Variants in LRRC9 observed in about 807,000 individuals in gnomAD.
The protein encoded by LRRC9 is leucine rich repeat containing 9.
In LRRC9, 122 loss-of-function variants were observed where a neutral mutation model predicts 63.2. The observed-to-expected ratio is 1.93, with a 90% CI of 1.67 to 2.24. The LOEUF is 2.24. Among genes scored for constraint, LRRC9 ranks in the 30% most tolerant of loss-of-function variants. LRRC9 has a pLI of 0.00. For synonymous variants in LRRC9, 366 were observed against 213.1 expected (o/e 1.72, Z -6.25); for missense variants, 1,071 against 627.7 (o/e 1.71, Z -7.55).
intron 8 of LRRC9, among the ~76,000 whole-genome samples, chr14:59,954,721 C>A (rs1883544288): frequency 3.3e-5 from 5 of 152,086 alleles, no homozygotes. Flanking sequence ...TGAGAGGGGG[C>A]ATCCTTATCT....
chr14:59,926,833 G>A lies in LRRC9; in HGVS notation c.-33-1078G>A, dbSNP rs577046557. On this transcript the variant is annotated intron_variant, in intron 1 of 31. Transcript: ENST00000445360. ...TTAGGTAGAAACCCCAAAGAAATTT[G>A]TAGCTATGACCTGTATGACAAAATG... Among the ~76,000 whole-genome samples the A allele has an allele frequency of 1.1e-4, 16 of 152,218 alleles. No individual in the cohort carries two copies. The South Asian group carries it at 3.1e-3, about 30-fold the overall frequency.
In LRRC9 at chr14:60,053,986, G is replaced by A; in HGVS notation, c.4131+781G>A. ...TCCAAGAGAGATGTTATGAAGACCT[G>A]GACCACGGTAGAGAATATAAATGAA... is the stretch of plus-strand genomic sequence containing the variant. On this transcript the variant is annotated intron_variant, in intron 30 of 31. Coordinates refer to ENST00000445360, the Ensembl canonical transcript of LRRC9. This position sits in a 1 kb window ranked among gnomAD's most constrained non-coding sequence, Gnocchi z 4.8. 2.3e-6 allele frequency: 1 copy of A among 440,454 alleles called. No individual in the cohort carries two copies. The highest frequency in any genetic ancestry group is 4.5e-6 in the Non-Finnish European group (1 of 222,880). The allele number at this position is 440,454 out of a possible 1,614,324, so 27.3% of individuals were successfully genotyped here.
At chr14:60,059,688 A>G (rs1031239225) in intron 31 of LRRC9, among the ~76,000 whole-genome samples, 1 of 152,244 alleles carries the variant, frequency 6.6e-6, no homozygotes, top group Non-Finnish European at 1.5e-5. Flanking sequence ...CTTCAAGTCT[A>G]TGAAGGCTGA....
chr14:59,998,042 A>G (rs1477218652), intron 18 of LRRC9, among the ~76,000 whole-genome samples, 195 bp downstream of exon 18: 2 of 152,108 alleles, frequency 1.3e-5, no homozygotes, highest in South Asian at 2.1e-4. Context: ...AGAAAAGACT[A>G]TAATTTCAAA....
chr14:59,943,022 T>G (rs1881954577), intron 7 of LRRC9, among the ~76,000 whole-genome samples: 1 of 152,064 alleles, frequency 6.6e-6, no homozygotes, highest in South Asian at 2.1e-4. Flanking sequence ...GTATTTTGTT[T>G]TTTTGCTGTT....
chr14:59,977,934 A>T (rs219328), intron 14 of LRRC9, 83 bp from the exon 15 acceptor site: 433,579 of 546,446 alleles, frequency 0.79, 177,084 homozygotes, highest in Non-Finnish European at 0.86. Flanking sequence ...GAGTTTGTTA[A>T]TTATTAAACT....
chr14:59,968,173 A>G (rs1885060358), intron 12 of LRRC9, among the ~76,000 whole-genome samples: 1 of 152,256 alleles, frequency 6.6e-6, no homozygotes, highest in Admixed American at 6.5e-5. Context: ...TAAGCCAGAC[A>G]AAAATGGAAA....
At chr14:60,021,308 A>C (rs1891099343) in intron 26 of LRRC9, among the ~76,000 whole-genome samples, 1 of 151,784 alleles carries the variant, frequency 6.6e-6, no homozygotes, top group Non-Finnish European at 1.5e-5. Context: ...TAAAATCTCT[A>C]TTCGAATCTG....
At chr14:59,955,126 A>C (rs1013551448) in intron 8 of LRRC9, among the ~76,000 whole-genome samples, 7 of 152,096 alleles carry the variant, frequency 4.6e-5, no homozygotes, top group African/African-American at 1.7e-4. Flanking sequence ...TGTCTCTGCC[A>C]GGTTTTGGTA....
chr14:60,029,683 T>C (rs781144434), intron 28 of LRRC9, among the ~76,000 whole-genome samples: 4 of 152,070 alleles, frequency 2.6e-5, no homozygotes, highest in Non-Finnish European at 4.4e-5. Flanking sequence ...AATGAATGGA[T>C]AGAGATCAGC....
intron 29 of LRRC9, among the ~76,000 whole-genome samples, chr14:60,036,331 C>A (rs1219380972): frequency 6.6e-6 from 1 of 152,154 alleles, no homozygotes; most frequent in Non-Finnish European, 1.5e-5. Flanking sequence ...CTCATAATGT[C>A]TGCTATAGCA....
rs2139978701 is a variant in LRRC9 at position 59,962,460 on chromosome 14, G to A, written c.1211+1415G>A. Among the ~76,000 whole-genome samples, 1 of 151,772 alleles carries A rather than the reference G, an allele frequency of 6.6e-6. No homozygotes were observed. The highest frequency in any genetic ancestry group is 2.4e-5 in the African/African-American group (1 of 41,376). On this transcript the variant is annotated intron_variant, in intron 10 of 31. Transcript: ENST00000445360. This position sits in a 1 kb window ranked among gnomAD's most constrained non-coding sequence, Gnocchi z 5.1. ...GCTGTGTCCCCGAGACTGGAGTGCA[G>A]TGGCCCGATCTCAGCTCGCTGCAAC...
At chr14:60,010,586 G>A (rs987961412) in intron 23 of LRRC9, among the ~76,000 whole-genome samples, 20 of 152,174 alleles carry the variant, frequency 1.3e-4, no homozygotes, top group Non-Finnish European at 2.5e-4. Context: ...CGTTACTTAT[G>A]CAAATTTCTG....
At chr14:60,064,844 A>G (rs1459827931), downstream of LRRC9, among the ~76,000 whole-genome samples, 1 of 152,202 alleles carries the variant, frequency 6.6e-6, no homozygotes. Context: ...TTTTATAATA[A>G]AAAGTGTCTT....
intron 8 of LRRC9, among the ~76,000 whole-genome samples, chr14:59,952,634 A>G (rs1432901841): frequency 1.3e-5 from 2 of 151,518 alleles, no homozygotes; most frequent in Admixed American, 6.6e-5. Flanking sequence ...TGTTGTTGTT[A>G]TTGTTGTTGT....
Position 60,017,270 on chromosome 14 carries a change from T to C in LRRC9, c.3317+480T>C, listed in dbSNP as rs1281769885. ...TTGTAGTCCTTTTCTTTACTGCCCA[T>C]GATACTTCATACTTCAGAAATTCTG... On this transcript the variant is annotated intron_variant, in intron 24 of 31. Coordinates refer to ENST00000445360, the Ensembl canonical transcript of LRRC9. This position sits in a 1 kb window ranked among gnomAD's most constrained non-coding sequence, Gnocchi z 4.0. Among the ~76,000 whole-genome samples the C allele has an allele frequency of 6.6e-6, 1 of 152,086 alleles. No homozygotes were observed. The highest frequency in any genetic ancestry group is 1.9e-4 in the East Asian group (1 of 5,178).
intron 29 of LRRC9, among the ~76,000 whole-genome samples, chr14:60,047,733 T>A (rs1893555313): frequency 6.6e-6 from 1 of 152,140 alleles, no homozygotes; most frequent in Non-Finnish European, 1.5e-5. Context: ...ATTAGACAGA[T>A]CATTGAGACA....
At chr14:59,977,122 T>G (rs1566836162) in intron 13 of LRRC9, 103 bp from the exon 14 acceptor site, 1 of 585,122 alleles carries the variant, frequency 1.7e-6, no homozygotes, top group Admixed American at 3.3e-5. Flanking sequence ...ATCTCTGCCT[T>G]TACAGAACAT....
chr14:60,045,506 T>C (rs1436705664), intron 29 of LRRC9, among the ~76,000 whole-genome samples: 2 of 152,204 alleles, frequency 1.3e-5, no homozygotes, highest in Non-Finnish European at 2.9e-5. Flanking sequence ...CTTCTACATA[T>C]AAATGAAAAC....
Sources: allele counts gnomAD v4.1 joint callset (sites outside exome capture counted in the v4.1 genomes callset), GRCh38; gene constraint gnomAD v4.1.1; non-coding constraint Gnocchi (gnomAD v3.1); transcripts MANE v1.5; gene names NCBI Gene and HGNC (gene_info 2026-07-23, HGNC 2026-07-21).